The following TRIP10 variants were observed in gnomAD, a reference collection of about 807,000 sequenced individuals.
The protein encoded by TRIP10 is cdc42-interacting protein 4.
Under a neutral mutation model 80.9 loss-of-function variants are expected in TRIP10, and 54 were observed. The observed-to-expected ratio is 0.67, with a 90% CI of 0.54 to 0.84. The LOEUF is 0.84. Ranked by LOEUF, TRIP10 falls within the 40% of genes least tolerant of loss-of-function variation. The pLI is 0.00. For missense variants in TRIP10, 773 were observed against 815.3 expected (o/e 0.95, Z 0.63); for synonymous variants, 321 against 307.2 (o/e 1.04, Z -0.47).
At chr19:6,743,900 G>C in intron 7 of TRIP10, 64 bp downstream of exon 7, 1 of 1,586,524 alleles carries the variant, frequency 6.3e-7, no homozygotes, top group Non-Finnish European at 8.6e-7. Context: ...CAACTCCTAC[G>C]CATTCATCAA....
chr19:6,750,998 A>T lies in TRIP10; in HGVS notation c.1658-65A>T, dbSNP rs545289286. On this transcript the variant is annotated intron_variant, in intron 14 of 14. Transcript: ENST00000313244. Reference sequence around the variant, plus strand: ...GCGAGAGCGAGGCTCTGTCTCAAAAATAAAAAATAAAAATAATAAATTTTG... The same window carrying T: ...GCGAGAGCGAGGCTCTGTCTCAAAATTAAAAAATAAAAATAATAAATTTTG... The T allele has an allele frequency of 1.4e-5, 20 of 1,457,722 alleles. No homozygotes were observed. In the South Asian group the frequency reaches 2.6e-4, roughly 19 times the overall value. 90.3% of individuals were successfully genotyped at this position (1,457,722 alleles called of 1,614,324 possible). A position where few individuals can be genotyped will look rare whatever the true frequency, so the allele number is the denominator to read the frequency against.
Position 6,740,975 on chromosome 19 carries a change from CCT to C in TRIP10, c.25-31_25-30del, listed in dbSNP as rs1361659354. On this transcript the variant is annotated intron_variant, in intron 1 of 14. Transcript: ENST00000313244. ...GGGTCCCAAAATCGTGACCCCGGCCCCTCTCCCCTCCTCCCCCACCATGTCCC... is the reference window on the plus strand; with the variant it reads ...GGGTCCCAAAATCGTGACCCCGGCCCCTCCCCTCCTCCCCCACCATGTCCC... The C allele has an allele frequency of 2.1e-5, 34 of 1,588,512 alleles. No individual in the cohort carries two copies. The Middle Eastern group carries it at 1.5e-3, about 70-fold the overall frequency.
intron 1 of TRIP10, among the ~76,000 whole-genome samples, chr19:6,740,465 G>A (rs956781942): frequency 6.6e-6 from 1 of 152,236 alleles, no homozygotes; most frequent in Admixed American, 6.5e-5. Context: ...TAGTGCAGCG[G>A]GGGTAACCAG....
At position 6,750,443 on chromosome 19, in the gene TRIP10, C is replaced by T. The variant is rs371351928; in HGVS notation, c.1535+12C>T. The T allele has an allele frequency of 1.6e-5, 26 of 1,613,952 alleles. No homozygotes were observed. Among genetic ancestry groups the T allele is most frequent in the Middle Eastern group, 1.7e-4 (1 of 6,060 alleles). On this transcript the variant is annotated intron_variant, in intron 13 of 14. Coordinates refer to ENST00000313244, the MANE Select transcript of TRIP10 (RefSeq NM_001288962.2). ...GACACCAAGGAGAGGTGAGGGGTGA[C>T]GTCAGAGTGGGTCTGTTCCCAGGGT...
rs1969100573 is a variant in TRIP10 at position 6,745,763 on chromosome 19, G to A, written c.985-266G>A. ...CGGGGGAGTGAGAGTTCTGGCTTTC[G>A]GGCTTACAGTTCAACATCCTCCCCG... is the stretch of plus-strand genomic sequence containing the variant. On this transcript the variant is annotated intron_variant, in intron 9 of 14. Coordinates refer to ENST00000313244, the MANE Select transcript of TRIP10 (RefSeq NM_001288962.2). This position sits in a 1 kb window ranked among gnomAD's most constrained non-coding sequence, Gnocchi z 7.2. The A allele has an allele frequency of 4.1e-6, 4 of 984,992 alleles. No homozygotes were observed. The highest frequency in any genetic ancestry group is 1.8e-5 in the African/African-American group (1 of 57,094). The allele number at this position is 984,992 out of a possible 1,614,324, so 61.0% of individuals were successfully genotyped here.
In TRIP10 at chr19:6,744,610, C is replaced by T. The variant is rs1170796616; in HGVS notation, c.699C>T (p.Leu233=). The T allele has an allele frequency of 6.2e-7, 1 of 1,614,112 alleles. No homozygotes were observed. The highest frequency in any genetic ancestry group is 8.5e-7 in the Non-Finnish European group (1 of 1,179,996). Residue 233 remains leucine, a synonymous_variant, in exon 8 of 15, where the codon CTC becomes CTT. Coordinates refer to ENST00000313244, the MANE Select transcript of TRIP10 (RefSeq NM_001288962.2). The surrounding 1 kb of genome is among the most constrained non-coding windows in gnomAD (Gnocchi z 4.9). ...RATRLGAGYG[L]LSEAELEVVP... is the part of the protein sequence containing the mutation. ...CCCGCCTGGGTGCCGGGTATGGGCT[C>T]CTGTCGGAGGCCGAGCTGGAGGTGG...
At position 6,745,496 on chromosome 19, in the gene TRIP10, A is replaced by G. The variant is rs1240260109; in HGVS notation, c.984+502A>G. On this transcript the variant is annotated intron_variant, in intron 9 of 14. Transcript: ENST00000313244. The surrounding 1 kb of genome is among the most constrained non-coding windows in gnomAD (Gnocchi z 7.2). ...TTAACACCTGTGATCCCCGAGCTTA[A>G]ACTTCTGATGCCCCTAACCCCTCTC... 2 of 903,422 alleles carry G rather than the reference A, an allele frequency of 2.2e-6. No individual in the cohort carries two copies. The highest frequency in any genetic ancestry group is 2.6e-6 in the Non-Finnish European group (2 of 755,572). 56.0% of individuals were successfully genotyped at this position (903,422 alleles called of 1,614,324 possible).
chr19:6,749,901 GT>G (rs772716152), intron 11 of TRIP10, 32 bp from the exon 12 acceptor site: 1 of 1,598,316 alleles, frequency 6.3e-7, no homozygotes, highest in South Asian at 1.1e-5. Context: ...ACGGAAGTAT[GT>G]TTTCCTGTCT....
At chr19:6,748,795 A>C (rs974868549) in intron 11 of TRIP10, 1 of 152,194 alleles carries the variant, frequency 6.6e-6, no homozygotes, top group Non-Finnish European at 1.5e-5. Flanking sequence ...TGTGTCTCAA[A>C]AAAAGATAAA....
chr19:6,743,365 C>G lies in TRIP10; in HGVS notation c.408+109C>G, dbSNP rs929195351. The G allele has an allele frequency of 2.2e-5, 34 of 1,528,570 alleles. No homozygotes were observed. The East Asian group carries it at 2.8e-4, about 12-fold the overall frequency. 94.7% of individuals were successfully genotyped at this position (1,528,570 alleles called of 1,614,324 possible). A position where few individuals can be genotyped will look rare whatever the true frequency, so the allele number is the denominator to read the frequency against. On this transcript the variant is annotated intron_variant, in intron 5 of 14. Coordinates refer to ENST00000313244, the MANE Select transcript of TRIP10 (RefSeq NM_001288962.2). ...TGTCAGACCTGGACCTTCCCTCCCCCATAGGCTTCCAGTACTCCCTTGACC... is the reference window on the plus strand; with the variant it reads ...TGTCAGACCTGGACCTTCCCTCCCCGATAGGCTTCCAGTACTCCCTTGACC...
chr19:6,745,093 C>G lies in TRIP10; in HGVS notation c.984+99C>G. On this transcript the variant is annotated intron_variant, in intron 9 of 14. Transcript: ENST00000313244. This position sits in a 1 kb window ranked among gnomAD's most constrained non-coding sequence, Gnocchi z 7.2. ...AGCCCCAGCCGCCTGAACGCCGAGT[C>G]TCGGGCAGGAATTTTCCTCTTGGCT... The G allele has an allele frequency of 7.0e-7, 1 of 1,437,972 alleles. No individual in the cohort carries two copies. The highest frequency in any genetic ancestry group is 9.2e-7 in the Non-Finnish European group (1 of 1,088,150). The allele number at this position is 1,437,972 out of a possible 1,614,324, so 89.1% of individuals were successfully genotyped here.
intron 3 of TRIP10, among the ~76,000 whole-genome samples, chr19:6,741,953 G>GATT (rs1968929225): frequency 6.6e-6 from 1 of 151,942 alleles, no homozygotes; most frequent in Admixed American, 6.6e-5. Flanking sequence ...TAGTAGCTGG[G>GATT]ATTACAGTCA....
intron 11 of TRIP10, chr19:6,748,356 T>C (rs181505851): frequency 6.6e-6 from 1 of 152,344 alleles, no homozygotes; most frequent in East Asian, 1.9e-4. Context: ...TTCCTGAGTT[T>C]CTACGGTGGA....
At chr19:6,739,893 A>C in intron 1 of TRIP10, 108 bp downstream of exon 1, 1 of 1,256,654 alleles carries the variant, frequency 8.0e-7, no homozygotes. Context: ...CCTTCCACCG[A>C]CCCCTGGGTC....
Position 6,743,617 on chromosome 19 carries a change from G to A in TRIP10, c.513+19G>A, listed in dbSNP as rs748893888. The A allele has an allele frequency of 4.5e-6, 6 of 1,325,504 alleles. No individual in the cohort carries two copies. The highest frequency in any genetic ancestry group is 2.4e-5 in the South Asian group (2 of 84,302). 82.1% of individuals were successfully genotyped at this position (1,325,504 alleles called of 1,614,324 possible). A position where few individuals can be genotyped will look rare whatever the true frequency, so the allele number is the denominator to read the frequency against. ...GGAGAAGGTGTGTGTGGCGGGGGCG[G>A]GGGGGGGGTGCGGGGTCTGGGACAA... On this transcript the variant is annotated intron_variant, in intron 6 of 14. Transcript: ENST00000313244.
Position 6,744,505 on chromosome 19 carries a change from T to C in TRIP10, c.643-49T>C, listed in dbSNP as rs1452306422. 1.3e-5 allele frequency: 21 copies of C among 1,610,540 alleles called. No homozygotes were observed. The highest frequency in any genetic ancestry group is 1.6e-4 in the Middle Eastern group (1 of 6,080). ...TTTGCAGAGTGAATCACTGTGCTTCTAGTCCCTCTGTTAGCACCCCTGAGC... is the reference window on the plus strand; with the variant it reads ...TTTGCAGAGTGAATCACTGTGCTTCCAGTCCCTCTGTTAGCACCCCTGAGC... On this transcript the variant is annotated intron_variant, in intron 7 of 14. Transcript: ENST00000313244. This position sits in a 1 kb window ranked among gnomAD's most constrained non-coding sequence, Gnocchi z 4.9.
At position 6,746,573 on chromosome 19, in the gene TRIP10, G is replaced by A; in HGVS notation, c.1262+12G>A. 1.2e-6 allele frequency: 2 copies of A among 1,603,176 alleles called. No homozygotes were observed. Among genetic ancestry groups the A allele is most frequent in the Non-Finnish European group, 1.7e-6 (2 of 1,170,104 alleles). ...GAGGTTGACCAGAGGTAAGGTGGTG[G>A]GGTAGGGAAGGACAGGCAAGGAACA... On this transcript the variant is annotated intron_variant, in intron 11 of 14. Transcript: ENST00000313244. This position sits in a 1 kb window ranked among gnomAD's most constrained non-coding sequence, Gnocchi z 6.2.
intron 1 of TRIP10, 96 bp from the exon 2 acceptor site, chr19:6,740,914 C>T: frequency 8.8e-7 from 1 of 1,134,040 alleles, no homozygotes; most frequent in Non-Finnish European, 1.3e-6. Context: ...AGCGCAGAGC[C>T]TTGGCCCTCC....
At position 6,746,463 on chromosome 19, in the gene TRIP10, C is replaced by G. The variant is rs371917765; in HGVS notation, c.1164C>G (p.Thr388=). Residue 388 remains threonine (T), a synonymous_variant, in exon 11 of 15, where the codon ACC becomes ACG. Transcript: ENST00000313244. The surrounding 1 kb of genome is among the most constrained non-coding windows in gnomAD (Gnocchi z 6.2). ...SLRGSRGTVV[T]EDFSHLPPEQ... is the part of the protein sequence containing the mutation. The stretch of plus-strand genomic sequence containing the variant: ...TACCCACCTTGCAGACAGTGGTGAC[C>G]GAGGATTTTAGCCACTTGCCCCCAG... 12 of 1,614,064 alleles carry G rather than the reference C, an allele frequency of 7.4e-6. No individual in the cohort carries two copies. Among genetic ancestry groups the G allele is most frequent in the South Asian group, 1.1e-5 (1 of 91,080 alleles).
Sources: allele counts gnomAD v4.1 joint callset (sites outside exome capture counted in the v4.1 genomes callset), GRCh38; gene constraint gnomAD v4.1.1; non-coding constraint Gnocchi (gnomAD v3.1); transcripts MANE v1.5; gene names NCBI Gene and HGNC (gene_info 2026-07-23, HGNC 2026-07-21).